The following VLDLR variants were observed in gnomAD, a reference collection of about 807,000 sequenced individuals.
VLDLR encodes the protein very low density lipoprotein receptor, also known as very low-density lipoprotein receptor.
In VLDLR, 81 loss-of-function variants were observed where a neutral mutation model predicts 112.7. That is an observed-to-expected ratio of 0.72 (90% CI 0.60 to 0.86). The LOEUF is 0.86. Ranked by LOEUF, VLDLR falls within the 40% of genes least tolerant of loss-of-function variation. The pLI, the probability that VLDLR is intolerant of heterozygous loss-of-function variation, is 0.00. For missense variants in VLDLR, 1,237 were observed against 1,099.4 expected (o/e 1.13, Z -1.77); for synonymous variants, 436 against 384.8 (o/e 1.13, Z -1.56).
Position 2,621,829 on chromosome 9 carries a change from G to C in VLDLR, c.-361G>C, listed in dbSNP as rs1196440344. 2.1e-6 allele frequency: 1 copy of C among 487,654 alleles called. No individual in the cohort carries two copies. The highest frequency in any genetic ancestry group is 2.4e-5 in the Admixed American group (1 of 41,334). 30.2% of individuals were successfully genotyped at this position (487,654 alleles called of 1,614,324 possible). A position where few individuals can be genotyped will look rare whatever the true frequency, so the allele number is the denominator to read the frequency against. ...CCGCCGGTGCGGGTGCTCCGCTACC[G>C]GCTCCTCTCCGTTCTGTGCTCTCTT... On this transcript the variant is annotated 5_prime_UTR_variant, in exon 1 of 19. Coordinates refer to ENST00000382100, the MANE Select transcript of VLDLR (RefSeq NM_003383.5).
rs1452038999 is a variant in VLDLR, at chr9:2,621,850, C to G, written c.-340C>G. The G allele has an allele frequency of 1.8e-6, 1 of 548,028 alleles. No homozygotes were observed. The highest frequency in any genetic ancestry group is 1.9e-5 in the African/African-American group (1 of 52,652). 33.9% of individuals were successfully genotyped at this position (548,028 alleles called of 1,614,324 possible). A position where few individuals can be genotyped will look rare whatever the true frequency, so the allele number is the denominator to read the frequency against. Reference sequence around the variant, plus strand: ...TACCGGCTCCTCTCCGTTCTGTGCTCTCTTCTGCTCTCGGCTCCCCACCCC... The same window carrying G: ...TACCGGCTCCTCTCCGTTCTGTGCTGTCTTCTGCTCTCGGCTCCCCACCCC... On this transcript the variant is annotated 5_prime_UTR_variant, in exon 1 of 19. Transcript: ENST00000382100.
intron 1 of VLDLR, among the ~76,000 whole-genome samples, chr9:2,627,456 CCTT>C (rs1461034235): frequency 6.6e-6 from 1 of 152,152 alleles, no homozygotes; most frequent in Non-Finnish European, 1.5e-5. Flanking sequence ...CCGCTGCTAA[CCTT>C]CTCAGGTGTT....
chr9:2,653,811 C>G (rs1192707269), intron 18 of VLDLR, 22 bp from the exon 19 acceptor site: 1 of 1,613,726 alleles, frequency 6.2e-7, no homozygotes, highest in Non-Finnish European at 8.5e-7. Context: ...CAAGCTCATT[C>G]TATACTTCTT....
In VLDLR at chr9:2,650,074, A is replaced by G. The variant is rs113356766; in HGVS notation, c.2105-296A>G. 6.9e-3 allele frequency among the ~76,000 whole-genome samples: 1,051 copies of G among 152,334 alleles called. 8 individuals carry two copies. The highest frequency in any genetic ancestry group is 0.041 in the Middle Eastern group (12 of 294). On this transcript the variant is annotated intron_variant, in intron 14 of 18. Coordinates refer to ENST00000382100, the MANE Select transcript of VLDLR (RefSeq NM_003383.5). ...CACGCTAAACCTCGGGCAAATAGTGAGAGCCAGTCCTGGTCCCTCACCTCC... is the reference window on the plus strand; with the variant it reads ...CACGCTAAACCTCGGGCAAATAGTGGGAGCCAGTCCTGGTCCCTCACCTCC...
At chr9:2,635,075 A>G (rs984453722) in intron 1 of VLDLR, among the ~76,000 whole-genome samples, 2 of 152,198 alleles carry the variant, frequency 1.3e-5, no homozygotes, top group African/African-American at 2.4e-5. Context: ...CGAGATCACT[A>G]TTCCAGCCAC....
chr9:2,645,504 G>C (rs1162427429), intron 9 of VLDLR, 70 bp from the exon 10 acceptor site: 1 of 1,551,260 alleles, frequency 6.4e-7, no homozygotes, highest in Non-Finnish European at 8.9e-7. Flanking sequence ...TCCTCTGCTG[G>C]GAGGAGGTGG....
At chr9:2,641,914 G>A (rs1223668987) in intron 4 of VLDLR, among the ~76,000 whole-genome samples, 1 of 149,382 alleles carries the variant, frequency 6.7e-6, no homozygotes, top group Admixed American at 6.7e-5. Context: ...AATTATTTGA[G>A]TATTATACAA....
intron 4 of VLDLR, 84 bp from the exon 5 acceptor site, chr9:2,643,076 G>A: frequency 6.3e-7 from 1 of 1,586,180 alleles, no homozygotes; most frequent in Non-Finnish European, 8.5e-7. Flanking sequence ...AATGAATAAA[G>A]ATCAATGTAT....
At chr9:2,642,700 A>G (rs1450463586) in intron 4 of VLDLR, among the ~76,000 whole-genome samples, 1 of 152,232 alleles carries the variant, frequency 6.6e-6, no homozygotes, top group African/African-American at 2.4e-5. Context: ...AAGAGGAACC[A>G]TATATGGTGG....
In VLDLR at chr9:2,648,749, A is replaced by G. The variant is rs1461430878; in HGVS notation, c.2043A>G (p.Leu681=). The G allele has an allele frequency of 4.3e-6, 7 of 1,614,204 alleles. No homozygotes were observed. The highest frequency in any genetic ancestry group is 1.7e-5 in the Admixed American group (1 of 60,032). The change falls in exon 14 of 19, where the codon CTA becomes CTG. Residue 681 remains leucine (L), a synonymous_variant. Transcript: ENST00000382100. The part of the protein sequence containing the change: ...NKFTGSELAT[L]VNNLNDAQDI... Reference sequence around the variant, plus strand: ...TCACTGGATCAGAGCTAGCCACTCTAGTCAACAACCTGAATGATGCCCAAG... The same window carrying G: ...TCACTGGATCAGAGCTAGCCACTCTGGTCAACAACCTGAATGATGCCCAAG...
rs1319507123 is a variant in VLDLR, at chr9:2,643,421, C to A, written c.710C>A (p.Thr237Asn). The change falls in exon 5 of 19, where the codon ACC (threonine) becomes AAC (asparagine). Residue 237 changes from threonine to asparagine, a missense_variant. Thr to Asn is a moderately conservative substitution (Grantham distance 65). Transcript: ENST00000382100. The stretch of plus-strand genomic sequence containing the variant: ...TGTGGCCGTCAGCCAGTCATACACA[C>A]CAAGTGTCCAGCCAGCGAAATCCAG... The part of the protein sequence containing the change: ...EQCGRQPVIH[T>N]KCPASEIQCG... 1 of 1,614,198 alleles carries A rather than the reference C, an allele frequency of 6.2e-7. No homozygotes were observed. Among genetic ancestry groups the A allele is most frequent in the Non-Finnish European group, 8.5e-7 (1 of 1,180,034 alleles).
chr9:2,653,429 G>T (rs1319333745), intron 18 of VLDLR, among the ~76,000 whole-genome samples: 1 of 152,140 alleles, frequency 6.6e-6, no homozygotes, highest in Non-Finnish European at 1.5e-5. Context: ...TCACTCACTT[G>T]TTCTTCAGAT....
rs1586652242 is a variant in VLDLR at position 2,644,720 on chromosome 9, C to T, written c.1067-14C>T. On this transcript the variant is annotated splice_polypyrimidine_tract_variant and intron_variant, in intron 7 of 18. Coordinates refer to ENST00000382100, the MANE Select transcript of VLDLR (RefSeq NM_003383.5). The stretch of plus-strand genomic sequence containing the variant: ...AAAATAAGTTGTCAAGTGACTACTA[C>T]ATTTTTATTCCAGATATAAACGAAT... 5 of 1,613,888 alleles carry T rather than the reference C, an allele frequency of 3.1e-6. No homozygotes were observed. Among genetic ancestry groups the T allele is most frequent in the African/African-American group, 2.7e-5 (2 of 74,874 alleles).
chr9:2,645,459 T>G (rs1818026185), intron 9 of VLDLR, 115 bp from the exon 10 acceptor site: 2 of 1,259,328 alleles, frequency 1.6e-6, no homozygotes, highest in Non-Finnish European at 2.3e-6. Context: ...CAGATACTAC[T>G]GAGGTATTCC....
Position 2,646,516 on chromosome 9 carries a change from G to C in VLDLR, c.1667G>C (p.Arg556Pro). ...KRKFLFNSDL[R>P]EPASIAVDPL... ...AAGTTCCTGTTTAACTCTGACTTGC[G>C]AGAGCCTGCCTCCATAGCTGTGGAC... The change falls in exon 11 of 19, where the codon CGA becomes CCA. Residue 556 changes from arginine to proline, a missense_variant. Arg to Pro is a moderately radical substitution (Grantham distance 103). Transcript: ENST00000382100. The C allele has an allele frequency of 6.2e-7, 1 of 1,614,118 alleles. No homozygotes were observed. The highest frequency in any genetic ancestry group is 8.5e-7 in the Non-Finnish European group (1 of 1,180,012).
chr9:2,646,814 T>C lies in VLDLR; in HGVS notation c.1703+262T>C, dbSNP rs567390814. Among the ~76,000 whole-genome samples, 6 of 152,348 alleles carry C rather than the reference T, an allele frequency of 3.9e-5. No individual in the cohort carries two copies. The East Asian group carries it at 9.6e-4, about 24-fold the overall frequency. On this transcript the variant is annotated intron_variant, in intron 11 of 18. Coordinates refer to ENST00000382100, the MANE Select transcript of VLDLR (RefSeq NM_003383.5). ...GAATTAACATTCCTGATTTGATGTG[T>C]GTACCAAAAGCTGTATCTGAACCCT...
intron 1 of VLDLR, among the ~76,000 whole-genome samples, chr9:2,627,888 A>G (rs947034934): frequency 5.3e-5 from 8 of 151,536 alleles, no homozygotes; most frequent in Non-Finnish European, 1.0e-4. Context: ...AAAAATTGCT[A>G]CAAAGATGAG....
At chr9:2,651,330 A>C in intron 15 of VLDLR, 85 bp from the exon 16 acceptor site, 2 of 1,184,592 alleles carry the variant, frequency 1.7e-6, no homozygotes, top group Non-Finnish European at 2.5e-6. Context: ...GTTTTAAAAT[A>C]ACCTTTTACA....
In VLDLR at chr9:2,635,586, T is replaced by C; in HGVS notation, c.202+14T>C. On this transcript the variant is annotated intron_variant, in intron 2 of 18. Transcript: ENST00000382100. ...AAAAGAACTGTGGTAAGTAAAGAGT[T>C]TGATGACTTATGCATTTTGTTAAAA... The C allele has an allele frequency of 1.2e-6, 2 of 1,613,950 alleles. No individual in the cohort carries two copies. The highest frequency in any genetic ancestry group is 1.7e-6 in the Non-Finnish European group (2 of 1,179,828).
Sources: gnomAD v4.1 joint callset for allele counts (sites outside exome capture counted in the v4.1 genomes callset) on GRCh38, gnomAD v4.1.1 for gene constraint, MANE v1.5 for transcripts, NCBI Gene and HGNC (gene_info 2026-07-23, HGNC 2026-07-21) for gene names.